Variants in TTC17 observed in about 807,000 individuals in gnomAD.
TTC17 encodes the protein tetratricopeptide repeat domain 17.
TTC17 carries 58 observed loss-of-function variants against 143.8 expected under a neutral mutation model. The observed-to-expected ratio is 0.40, with a 90% CI of 0.33 to 0.50. TTC17 has a LOEUF of 0.50. TTC17 is among the 20% of genes least tolerant of loss of function. TTC17 has a pLI of 0.49. For synonymous variants in TTC17, 501 were observed against 497.8 expected, an observed-to-expected ratio of 1.01 and a Z score of -0.09; for missense variants, 1,273 against 1,392.5, an observed-to-expected ratio of 0.91 and a Z score of 1.37.
Position 43,401,885 on chromosome 11 carries a change from G to T in TTC17, c.1332+327G>T, listed in dbSNP as rs1857871545. Among the ~76,000 whole-genome samples, 3 of 151,990 alleles carry T rather than the reference G, an allele frequency of 2.0e-5. No individual in the cohort carries two copies. In the South Asian group the frequency reaches 6.3e-4, roughly 32 times the overall value. On this transcript the variant is annotated intron_variant, in intron 10 of 23. Transcript: ENST00000039989. ...CCCAGCTACTCGGGAGGCTGAGGCGGGAGAATCATCTGAGCTCTGGAGGTC... is the reference window on the plus strand; with the variant it reads ...CCCAGCTACTCGGGAGGCTGAGGCGTGAGAATCATCTGAGCTCTGGAGGTC...
intron 18 of TTC17, 56 bp from the exon 19 acceptor site, chr11:43,447,946 C>T: frequency 1.3e-6 from 2 of 1,597,290 alleles, no homozygotes; most frequent in East Asian, 4.5e-5. Flanking sequence ...GGCATAAGGC[C>T]CTTTGGGTTC....
chr11:43,414,982 G>A (rs1946744974), intron 16 of TTC17, among the ~76,000 whole-genome samples: 1 of 152,092 alleles, frequency 6.6e-6, no homozygotes, highest in African/African-American at 2.4e-5. Context: ...TAGAACTCTG[G>A]TTAAGAAAGG....
chr11:43,431,159 A>T (rs1272291075), intron 16 of TTC17, among the ~76,000 whole-genome samples: 8 of 152,058 alleles, frequency 5.3e-5, no homozygotes, highest in Non-Finnish European at 7.4e-5. Context: ...CATTTTCTTA[A>T]TCCAGTCTAT....
chr11:43,463,850 T>C (rs1370178499), intron 21 of TTC17, among the ~76,000 whole-genome samples: 1 of 152,256 alleles, frequency 6.6e-6, no homozygotes, highest in African/African-American at 2.4e-5. Flanking sequence ...TTGATATTGC[T>C]GCATGAATGC....
chr11:43,427,066 A>G (rs1412303007), intron 16 of TTC17, among the ~76,000 whole-genome samples: 1 of 152,190 alleles, frequency 6.6e-6, no homozygotes, highest in African/African-American at 2.4e-5. Context: ...TTTAAATACC[A>G]ATACCATATT....
At chr11:43,441,997 A>G (rs1947432239) in intron 16 of TTC17, among the ~76,000 whole-genome samples, 1 of 152,118 alleles carries the variant, frequency 6.6e-6, no homozygotes, top group African/African-American at 2.4e-5. Flanking sequence ...TGGGAACATC[A>G]TAGAGTGTAC....
chr11:43,416,368 T>C (rs1946780555), intron 16 of TTC17, among the ~76,000 whole-genome samples: 1 of 152,160 alleles, frequency 6.6e-6, no homozygotes. Context: ...AGAAGAAGCA[T>C]TTTGTCACTG....
intron 21 of TTC17, among the ~76,000 whole-genome samples, chr11:43,459,929 A>G (rs1189982112): frequency 6.6e-6 from 1 of 152,216 alleles, no homozygotes. Context: ...AGGTTAAGCT[A>G]TGATGTATGG....
rs1199897686 is a variant in TTC17 at position 43,391,948 on chromosome 11, A to G, written c.659A>G (p.Gln220Arg). Residue 220 changes from glutamine (Q) to arginine (R), a missense_variant, in exon 5 of 24, where the codon CAG (glutamine) becomes CGG (arginine). By Grantham distance (43) the Gln-to-Arg change is conservative. Coordinates refer to ENST00000039989, the MANE Select transcript of TTC17 (RefSeq NM_018259.6). Reference protein sequence around the residue: ...DIGHLIHEGLQKNTSSWVLYN... With the variant: ...DIGHLIHEGLRKNTSSWVLYN... ...GGTCACCTCATTCATGAAGGCCTAC[A>G]GAAGGTAAGTCATCAGTCACTTAAA... The G allele has an allele frequency of 1.2e-6, 2 of 1,605,968 alleles. No individual in the cohort carries two copies. The highest frequency in any genetic ancestry group is 1.1e-5 in the South Asian group (1 of 89,028).
At chr11:43,491,062 T>C (rs1233316434) in intron 22 of TTC17, 1 of 152,178 alleles carries the variant, frequency 6.6e-6, no homozygotes, top group African/African-American at 2.4e-5. Context: ...AGGCAATGTA[T>C]GGAATGATGG....
intron 15 of TTC17, 101 bp downstream of exon 15, chr11:43,407,678 G>A (rs977949742): frequency 1.7e-6 from 2 of 1,168,414 alleles, no homozygotes; most frequent in African/African-American, 3.1e-5. Context: ...AAAATGTCAT[G>A]TTTTGTCTTT....
Position 43,414,748 on chromosome 11 carries a change from G to A in TTC17, c.2223G>A (p.Leu741=). The change falls in exon 16 of 24, where the codon CTG becomes CTA. Residue 741 remains leucine, a synonymous_variant. Coordinates refer to ENST00000039989, the MANE Select transcript of TTC17 (RefSeq NM_018259.6). ...GCTGTATGCAGTTTTATCCTTTTCTGTACAACATCACTTCTTCTGTTTGCA... is the reference window on the plus strand; with the variant it reads ...GCTGTATGCAGTTTTATCCTTTTCTATACAACATCACTTCTTCTGTTTGCA... ...LIRCMQFYPF[L]YNITSSVCSG... 6.2e-7 allele frequency: 1 copy of A among 1,613,292 alleles called. No individual in the cohort carries two copies. The highest frequency in any genetic ancestry group is 2.2e-5 in the East Asian group (1 of 44,852).
At chr11:43,489,639 G>A (rs1330002237) in intron 21 of TTC17, among the ~76,000 whole-genome samples, 1 of 151,976 alleles carries the variant, frequency 6.6e-6, no homozygotes, top group African/African-American at 2.4e-5. Flanking sequence ...TCGGGAGGCT[G>A]AGACAGAAGA....
chr11:43,486,011 G>T (rs1948374904), intron 21 of TTC17, among the ~76,000 whole-genome samples: 2 of 151,528 alleles, frequency 1.3e-5, no homozygotes, highest in Non-Finnish European at 2.9e-5. Flanking sequence ...ACAGAAAATG[G>T]ATAAATACCA....
chr11:43,379,451 A>C (rs1472264612), intron 2 of TTC17, 129 bp downstream of exon 2: 1 of 695,032 alleles, frequency 1.4e-6, no homozygotes, highest in African/African-American at 1.9e-5. Flanking sequence ...GGAATATACT[A>C]CCTGCAATGT....
chr11:43,389,017 T>C (rs11601684), intron 2 of TTC17, among the ~76,000 whole-genome samples: 13,969 of 150,282 alleles, frequency 0.093, 799 homozygotes, highest in Middle Eastern at 0.16. Context: ...GACATGCCTG[T>C]AGTCCAGATA....
chr11:43,479,176 G>A (rs1948240721), intron 21 of TTC17, among the ~76,000 whole-genome samples: 1 of 151,806 alleles, frequency 6.6e-6, no homozygotes, highest in Admixed American at 6.6e-5. Context: ...GGAGGCAGAG[G>A]TTGCAGTGAG....
At chr11:43,387,800 A>G (rs73549433) in intron 2 of TTC17, among the ~76,000 whole-genome samples, 14,080 of 152,268 alleles carry the variant, frequency 0.092, 2,195 homozygotes, top group African/African-American at 0.32. Flanking sequence ...CAGCAAAAAC[A>G]GTGATGTATC....
In TTC17 at chr11:43,362,162, TGTG is replaced by T. The variant is rs1856139322; in HGVS notation, c.159+3050_159+3052del. 5.6e-5 allele frequency among the ~76,000 whole-genome samples: 7 copies of T among 124,906 alleles called. No homozygotes were observed. The Admixed American group carries it at 6.7e-4, about 12-fold the overall frequency. 81.9% of individuals were successfully genotyped at this position (124,906 alleles called of 152,430 possible). On this transcript the variant is annotated intron_variant, in intron 1 of 23. Transcript: ENST00000039989. ...CACCCGGCTAATTTGTGTGTGTGTG[TGTG>T]TGTGTGTGTGTGTGTGTGTGTGTGT...
Sources: allele counts gnomAD v4.1 joint callset (sites outside exome capture counted in the v4.1 genomes callset), GRCh38; gene constraint gnomAD v4.1.1; transcripts MANE v1.5; gene names NCBI Gene and HGNC (gene_info 2026-07-23, HGNC 2026-07-21).